SORCS1: variants seen among roughly 807,000 people sequenced by gnomAD.
The protein encoded by SORCS1 is VPS10 domain-containing receptor SorCS1.
Under a neutral mutation model 146.1 loss-of-function variants are expected in SORCS1, and 60 were observed. The observed-to-expected ratio is 0.41, with a 90% confidence interval of 0.33 to 0.51. The LOEUF (loss-of-function observed/expected upper bound fraction) is 0.51. Ranked by LOEUF, SORCS1 falls within the 20% of genes least tolerant of loss-of-function variation. SORCS1 has a pLI of 0.21. For missense variants in SORCS1, 1,352 were observed against 1,487.6 expected (o/e 0.91, Z 1.50); for synonymous variants, 637 against 584.0 (o/e 1.09, Z -1.31).
intron 4 of SORCS1, among the ~76,000 whole-genome samples, chr10:106,773,687 T>C (rs1162861058): frequency 6.6e-6 from 1 of 152,128 alleles, no homozygotes; most frequent in Non-Finnish European, 1.5e-5. Context: ...TGGTGGCTCA[T>C]GTCCGTAATC....
chr10:106,705,462 C>T (rs772092843), intron 8 of SORCS1, among the ~76,000 whole-genome samples: 4 of 151,998 alleles, frequency 2.6e-5, no homozygotes, highest in Non-Finnish European at 5.9e-5. Context: ...TCCTGGGCAG[C>T]TATCTGGTGT....
intron 19 of SORCS1, among the ~76,000 whole-genome samples, chr10:106,621,481 T>C (rs1847740181): frequency 6.6e-6 from 1 of 151,634 alleles, no homozygotes; most frequent in African/African-American, 2.4e-5. Flanking sequence ...AGTCCTGTGT[T>C]GAGACTTTTT....
At chr10:106,616,528 A>G (rs1462874415) in intron 21 of SORCS1, among the ~76,000 whole-genome samples, 1 of 152,110 alleles carries the variant, frequency 6.6e-6, no homozygotes. Context: ...AGCACCCAGA[A>G]AGGAGATGGA....
At chr10:106,791,692 T>G (rs112412256) in intron 3 of SORCS1, among the ~76,000 whole-genome samples, 1 of 152,040 alleles carries the variant, frequency 6.6e-6, no homozygotes, top group Admixed American at 6.6e-5. Flanking sequence ...AGCAAGACAT[T>G]ATTTCGACAA....
In SORCS1 at chr10:106,926,499, C is replaced by T. The variant is rs143899691; in HGVS notation, c.626+30014G>A. Among the ~76,000 whole-genome samples, 465 of 152,140 alleles carry T rather than the reference C, an allele frequency of 3.1e-3. 2 individuals carry two copies. The highest frequency in any genetic ancestry group is 0.011 in the African/African-American group (455 of 41,506). ...TGTGAGAATTAAATGAGATGATACCCTTGAAGTGCTTAGCCAATTATAAAG... is the reference window on the plus strand; with the variant it reads ...TGTGAGAATTAAATGAGATGATACCTTTGAAGTGCTTAGCCAATTATAAAG... On this transcript the variant is annotated intron_variant, in intron 2 of 25. Coordinates refer to ENST00000263054, the MANE Select transcript of SORCS1 (RefSeq NM_052918.5).
chr10:106,682,808 CA>C (rs1474055043), intron 10 of SORCS1, among the ~76,000 whole-genome samples: 1 of 152,186 alleles, frequency 6.6e-6, no homozygotes, highest in Non-Finnish European at 1.5e-5. Context: ...CAGCCTGTTC[CA>C]AAGGCAGTTC....
intron 6 of SORCS1, among the ~76,000 whole-genome samples, chr10:106,719,548 G>T (rs1032645146): frequency 5.9e-5 from 9 of 152,008 alleles, no homozygotes; most frequent in Admixed American, 5.9e-4. Context: ...AAGTAGCTGG[G>T]ACTATAGACA....
intron 1 of SORCS1, among the ~76,000 whole-genome samples, chr10:106,968,797 A>T (rs1383232504): frequency 6.6e-6 from 1 of 152,246 alleles, no homozygotes; most frequent in Non-Finnish European, 1.5e-5. Flanking sequence ...AGTACAACTA[A>T]CAAAAGCAAC....
At chr10:106,740,369 C>A (rs1238000117) in intron 5 of SORCS1, among the ~76,000 whole-genome samples, 2 of 151,942 alleles carry the variant, frequency 1.3e-5, no homozygotes, top group Middle Eastern at 3.2e-3. Context: ...ATGGTTGATT[C>A]TGAATTAATT....
At chr10:107,022,134 G>A (rs906091779) in intron 1 of SORCS1, among the ~76,000 whole-genome samples, 1 of 152,130 alleles carries the variant, frequency 6.6e-6, no homozygotes, top group Admixed American at 6.6e-5. Context: ...GAAGGAATAC[G>A]GAGGTTTCAG....
In SORCS1 at chr10:106,661,594, G is replaced by A. The variant is rs115605725; in HGVS notation, c.2303+6095C>T. Among the ~76,000 whole-genome samples the A allele has an allele frequency of 6.4e-3, 978 of 152,252 alleles. 15 individuals carry two copies. Among genetic ancestry groups the A allele is most frequent in the African/African-American group, 0.022 (926 of 41,552 alleles). On this transcript the variant is annotated intron_variant, in intron 17 of 25. Coordinates refer to ENST00000263054, the MANE Select transcript of SORCS1 (RefSeq NM_052918.5). ...ATTGGTGATGACACACATTTTGTAA[G>A]GTGATGACTATGTGCTAGGCATTGT...
intron 5 of SORCS1, among the ~76,000 whole-genome samples, chr10:106,755,853 GCA>G (rs1228533859): frequency 1.3e-5 from 2 of 152,214 alleles, no homozygotes; most frequent in African/African-American, 4.8e-5. Flanking sequence ...CCTAGGCTGG[GCA>G]TGGCGGCCCA....
intron 1 of SORCS1, among the ~76,000 whole-genome samples, chr10:107,129,148 T>C (rs1466159923): frequency 6.6e-6 from 1 of 152,218 alleles, no homozygotes; most frequent in Non-Finnish European, 1.5e-5. Flanking sequence ...GACAGCAGAC[T>C]GGGTGAAATT....
intron 21 of SORCS1, among the ~76,000 whole-genome samples, chr10:106,615,504 A>C (rs1373047303): frequency 6.6e-6 from 1 of 152,052 alleles, no homozygotes; most frequent in African/African-American, 2.4e-5. Flanking sequence ...AAGGAGTCAC[A>C]CCTGTCATTA....
intron 18 of SORCS1, among the ~76,000 whole-genome samples, chr10:106,638,244 TA>T (rs1848845338): frequency 6.6e-6 from 1 of 152,224 alleles, no homozygotes; most frequent in African/African-American, 2.4e-5. Context: ...AATTCACTCA[TA>T]AAGTAAAGAC....
intron 5 of SORCS1, among the ~76,000 whole-genome samples, chr10:106,736,602 T>TTAAAAAAAAAAAAA (rs1433395056): frequency 2.6e-4 from 10 of 38,754 alleles, no homozygotes; most frequent in African/African-American, 6.9e-4. Flanking sequence ...TAACCCTGGT[T>TTAAAAAAAAAAAAA]AAAAAAAAAA....
intron 2 of SORCS1, among the ~76,000 whole-genome samples, chr10:106,955,442 T>G (rs191360550): frequency 1.3e-5 from 2 of 152,150 alleles, no homozygotes; most frequent in African/African-American, 4.8e-5. Flanking sequence ...ATGAGCTGAG[T>G]GCAGCCTGAT....
Position 106,699,160 on chromosome 10 carries a change from A to T in SORCS1, c.1413+54T>A, listed in dbSNP as rs1008394115. 2.0e-6 allele frequency: 3 copies of T among 1,489,518 alleles called. No homozygotes were observed. The African/African-American group carries it at 4.2e-5, about 21-fold the overall frequency. The allele number at this position is 1,489,518 out of a possible 1,614,324, so 92.3% of individuals were successfully genotyped here. ...GGAAAAGAGTCCATGCGGGGCTTCCATCAGCCAGCTGGGCACTGCTGTGGC... is the reference window on the plus strand; with the variant it reads ...GGAAAAGAGTCCATGCGGGGCTTCCTTCAGCCAGCTGGGCACTGCTGTGGC... On this transcript the variant is annotated intron_variant, in intron 9 of 25. Transcript: ENST00000263054.
At chr10:107,047,232 G>T (rs71475439) in intron 1 of SORCS1, among the ~76,000 whole-genome samples, 2,516 of 152,022 alleles carry the variant, frequency 0.017, 51 homozygotes, top group Non-Finnish European at 0.022. Flanking sequence ...CAAGTGATCT[G>T]CCCACCTCGG....
Sources: allele counts gnomAD v4.1 joint callset (sites outside exome capture counted in the v4.1 genomes callset), GRCh38; gene constraint gnomAD v4.1.1; transcripts MANE v1.5; gene names NCBI Gene and HGNC (gene_info 2026-07-23, HGNC 2026-07-21).